ZFAND3: variants seen among roughly 807,000 people sequenced by gnomAD.
ZFAND3 encodes the protein zinc finger AN1-type containing 3.
A neutral mutation model predicts 29.6 loss-of-function variants in ZFAND3; 10 were observed. The ratio of observed to expected loss-of-function variants is 0.34; its 90% CI spans 0.21 to 0.57. The LOEUF (loss-of-function observed/expected upper bound fraction) is 0.57. ZFAND3 is among the 20% of genes least tolerant of loss of function. The pLI is 0.86. For missense variants in ZFAND3, 230 were observed against 304.5 expected, an observed-to-expected ratio of 0.76 and a Z score of 1.82; for synonymous variants, 128 against 112.6, an observed-to-expected ratio of 1.14 and a Z score of -0.87.
intron 1 of ZFAND3, among the ~76,000 whole-genome samples, chr6:37,868,693 CA>C (rs1764634821): frequency 6.6e-6 from 1 of 152,176 alleles, no homozygotes; most frequent in South Asian, 2.1e-4. Flanking sequence ...GTTGTTTTAA[CA>C]ACCTTACATT....
intron 4 of ZFAND3, among the ~76,000 whole-genome samples, chr6:38,089,884 CGGTCTGT>C (rs1764829302): frequency 6.6e-6 from 1 of 152,110 alleles, no homozygotes. Context: ...GAGGGAGTCT[CGGTCTGT>C]CACCCAGGCT....
At chr6:38,141,848 A>G (rs1407729721) in intron 5 of ZFAND3, among the ~76,000 whole-genome samples, 1 of 152,144 alleles carries the variant, frequency 6.6e-6, no homozygotes, top group African/African-American at 2.4e-5. Context: ...GCAAAATGGC[A>G]AAAGGGATGA....
chr6:38,069,794 C>A (rs1243487962), intron 3 of ZFAND3, among the ~76,000 whole-genome samples: 1 of 152,182 alleles, frequency 6.6e-6, no homozygotes, highest in East Asian at 1.9e-4. Flanking sequence ...TGGATAGGAA[C>A]TTGTTTAAGT....
chr6:38,016,325 A>G (rs1763252062), intron 2 of ZFAND3, among the ~76,000 whole-genome samples: 1 of 152,246 alleles, frequency 6.6e-6, no homozygotes, highest in Admixed American at 6.5e-5. Context: ...CCTAGATTAA[A>G]TAATTCTTGT....
chr6:37,974,402 C>CT (rs10573359), intron 2 of ZFAND3, among the ~76,000 whole-genome samples: 55 of 30,808 alleles, frequency 1.8e-3, no homozygotes, highest in African/African-American at 7.9e-3. Context: ...CTCTCTCTCT[C>CT]TTTTTTTTTT....
chr6:37,862,803 A>T (rs907729310), intron 1 of ZFAND3, among the ~76,000 whole-genome samples: 1 of 152,024 alleles, frequency 6.6e-6, no homozygotes, highest in African/African-American at 2.4e-5. Context: ...TATTCATGTC[A>T]GTTCATTCCT....
intron 2 of ZFAND3, among the ~76,000 whole-genome samples, chr6:37,991,573 G>A (rs567027204): frequency 3.3e-5 from 5 of 152,070 alleles, no homozygotes; most frequent in Admixed American, 6.5e-5. Flanking sequence ...GGCTGGTTAC[G>A]AACTGCTGAC....
chr6:37,961,123 G>T (rs1340183393), intron 2 of ZFAND3, among the ~76,000 whole-genome samples: 1 of 152,166 alleles, frequency 6.6e-6, no homozygotes, highest in East Asian at 1.9e-4. Flanking sequence ...TCCAGGACTT[G>T]GCTCTTGGAT....
At chr6:38,087,079 A>G (rs1402059038) in intron 4 of ZFAND3, among the ~76,000 whole-genome samples, 4 of 152,218 alleles carry the variant, frequency 2.6e-5, no homozygotes, top group African/African-American at 7.2e-5. Context: ...CCAAGAACAT[A>G]TACTAGAGAA....
intron 2 of ZFAND3, among the ~76,000 whole-genome samples, chr6:37,985,529 C>CACACACACCCA (rs33984396): frequency 1.1e-5 from 1 of 89,700 alleles, no homozygotes; most frequent in African/African-American, 3.6e-5. Context: ...ACACACACAC[C>CACACACACCCA]CCCACACACG....
chr6:38,022,704 GACTTTA>G (rs942640248), intron 2 of ZFAND3, among the ~76,000 whole-genome samples: 2 of 152,196 alleles, frequency 1.3e-5, no homozygotes, highest in Non-Finnish European at 2.9e-5. Context: ...TGAGTCTAAA[GACTTTA>G]ACCTTGCTTT....
chr6:38,121,459 A>G lies in ZFAND3; in HGVS notation c.529+4720A>G, dbSNP rs1323968566. ...AATTTACCTGGAGGGCATGTTAAAA[A>G]CAGATTGTTGGGACCCACACCCAGA... On this transcript the variant is annotated intron_variant, in intron 5 of 5. Transcript: ENST00000287218. Among the ~76,000 whole-genome samples the G allele has an allele frequency of 3.3e-5, 5 of 152,196 alleles. 1 individual carries two copies. Among genetic ancestry groups the G allele is most frequent in the African/African-American group, 1.2e-4 (5 of 41,462 alleles).
At chr6:37,883,189 C>G (rs560147117) in intron 1 of ZFAND3, among the ~76,000 whole-genome samples, 1 of 152,128 alleles carries the variant, frequency 6.6e-6, no homozygotes, top group Non-Finnish European at 1.5e-5. Context: ...CGCCACTGCT[C>G]TACAGCCTGG....
At chr6:37,831,655 T>C (rs930195316) in intron 1 of ZFAND3, among the ~76,000 whole-genome samples, 1 of 152,116 alleles carries the variant, frequency 6.6e-6, no homozygotes, top group Non-Finnish European at 1.5e-5. Flanking sequence ...TTGAGCTAGA[T>C]ATGAAAGACG....
intron 2 of ZFAND3, among the ~76,000 whole-genome samples, chr6:37,938,810 A>G (rs1336836435): frequency 5.3e-5 from 8 of 152,242 alleles, no homozygotes; most frequent in Admixed American, 2.6e-4. Context: ...TAATTGTTGC[A>G]TTTCTAACGG....
chr6:37,867,790 T>A (rs1279141252), intron 1 of ZFAND3, among the ~76,000 whole-genome samples: 1 of 152,240 alleles, frequency 6.6e-6, no homozygotes, highest in Non-Finnish European at 1.5e-5. Context: ...AGGGACTAAT[T>A]GTCCATTGTG....
intron 1 of ZFAND3, among the ~76,000 whole-genome samples, chr6:37,893,312 C>G (rs1004308731): frequency 1.3e-5 from 2 of 152,084 alleles, no homozygotes; most frequent in Non-Finnish European, 2.9e-5. Context: ...TGTAATACAT[C>G]AACAGAATGA....
At chr6:38,004,751 A>T (rs1763019844) in intron 2 of ZFAND3, among the ~76,000 whole-genome samples, 1 of 152,204 alleles carries the variant, frequency 6.6e-6, no homozygotes, top group Non-Finnish European at 1.5e-5. Flanking sequence ...GAAAAATGAA[A>T]TCGAGAGATA....
At chr6:37,975,334 G>A (rs1269798714) in intron 2 of ZFAND3, among the ~76,000 whole-genome samples, 17 of 151,534 alleles carry the variant, frequency 1.1e-4, no homozygotes. Context: ...TTTTTCTTTT[G>A]TTACTGATAC....
Sources: allele counts gnomAD v4.1 joint callset (sites outside exome capture counted in the v4.1 genomes callset), GRCh38; gene constraint gnomAD v4.1.1; transcripts MANE v1.5; gene names NCBI Gene and HGNC (gene_info 2026-07-23, HGNC 2026-07-21).